ZC2HC1A: variants seen among roughly 807,000 people sequenced by gnomAD.
ZC2HC1A encodes the protein zinc finger C2HC domain-containing protein 1A.
Under a neutral mutation model 40.7 loss-of-function variants are expected in ZC2HC1A, and 28 were observed. The ratio of observed to expected loss-of-function variants is 0.69; its 90% confidence interval spans 0.51 to 0.94. The LOEUF is 0.94. ZC2HC1A is among the 40% of genes least tolerant of loss of function. ZC2HC1A has a pLI of 0.00. For synonymous variants in ZC2HC1A, 129 were observed against 129.2 expected, an observed-to-expected ratio of 1.00 and a Z score of 0.01; for missense variants, 389 against 386.3, an observed-to-expected ratio of 1.01 and a Z score of -0.06.
At chr8:78,687,545 AAATT>A (rs1810034854) in intron 4 of ZC2HC1A, among the ~76,000 whole-genome samples, 1 of 143,758 alleles carries the variant, frequency 7.0e-6, no homozygotes, top group African/African-American at 2.5e-5. Flanking sequence ...TTTATATAAT[AAATT>A]TTATATTTAC....
rs575794800 is a variant in ZC2HC1A, at chr8:78,713,210, A to G, written c.705-2011A>G. On this transcript the variant is annotated intron_variant, in intron 7 of 8. Coordinates refer to ENST00000263849, the MANE Select transcript of ZC2HC1A (RefSeq NM_016010.3). Reference sequence around the variant, plus strand: ...TAATGCTTTGCAGATTCTGAACAGAAAGAAAAATTTGTGGACTGTGTAAGA... The same window carrying G: ...TAATGCTTTGCAGATTCTGAACAGAGAGAAAAATTTGTGGACTGTGTAAGA... Among the ~76,000 whole-genome samples the G allele has an allele frequency of 5.9e-5, 9 of 152,306 alleles. No individual in the cohort carries two copies. In the South Asian group the frequency reaches 1.9e-3, roughly 32 times the overall value.
intron 3 of ZC2HC1A, among the ~76,000 whole-genome samples, chr8:78,679,969 A>C (rs1250887406): frequency 1.3e-5 from 2 of 152,156 alleles, no homozygotes; most frequent in African/African-American, 4.8e-5. Flanking sequence ...GAAGCAGTGT[A>C]ATATAGTGGG....
intron 5 of ZC2HC1A, among the ~76,000 whole-genome samples, chr8:78,696,178 G>A (rs1324969379): frequency 6.6e-6 from 1 of 151,954 alleles, no homozygotes; most frequent in African/African-American, 2.4e-5. Context: ...GGGACTACAG[G>A]CGCCCGCTAC....
intron 1 of ZC2HC1A, 66 bp downstream of exon 1, chr8:78,666,230 C>T: frequency 1.3e-6 from 2 of 1,551,944 alleles, no homozygotes; most frequent in East Asian, 2.4e-5. Context: ...GGACCCTGGA[C>T]ACCAGTAGCA....
chr8:78,696,687 G>A (rs1031176013), intron 5 of ZC2HC1A, among the ~76,000 whole-genome samples: 1 of 152,102 alleles, frequency 6.6e-6, no homozygotes, highest in Non-Finnish European at 1.5e-5. Flanking sequence ...AATTTAAGAT[G>A]GTCTGGTGAG....
chr8:78,688,545 A>G (rs974566653), intron 4 of ZC2HC1A, among the ~76,000 whole-genome samples: 1 of 152,182 alleles, frequency 6.6e-6, no homozygotes, highest in African/African-American at 2.4e-5. Context: ...ATTTATTCCC[A>G]GTGTCTCATT....
intron 5 of ZC2HC1A, among the ~76,000 whole-genome samples, chr8:78,694,307 A>G (rs1336120194): frequency 1.4e-5 from 2 of 147,074 alleles, no homozygotes; most frequent in South Asian, 2.1e-4. Context: ...TTTCTCATTC[A>G]GTTTCCTTAT....
chr8:78,683,170 TTCTGGGG>T (rs77278444), intron 3 of ZC2HC1A, among the ~76,000 whole-genome samples: 7,761 of 152,264 alleles, frequency 0.051, 269 homozygotes, highest in Middle Eastern at 0.075. Flanking sequence ...GGATCTACCA[TTCTGGGG>T]TCTGGAGGAT....
intron 7 of ZC2HC1A, among the ~76,000 whole-genome samples, chr8:78,714,645 T>C (rs1051781908): frequency 4.6e-5 from 7 of 152,170 alleles, no homozygotes; most frequent in African/African-American, 1.4e-4. Context: ...TGGAGACTCA[T>C]GGATGATCCA....
intron 5 of ZC2HC1A, among the ~76,000 whole-genome samples, chr8:78,694,512 C>A (rs1810333221): frequency 6.6e-6 from 1 of 152,076 alleles, no homozygotes; most frequent in African/African-American, 2.4e-5. Context: ...CCTAATAATG[C>A]AAATTTATAC....
At position 78,678,422 on chromosome 8, in the gene ZC2HC1A, G is replaced by C. The variant is rs868461608; in HGVS notation, c.94-141G>C. ...ACTTAACATTTGGTTAAGGCAAGGT[G>C]TATCTTATTTATTTATTATTTTGTA... On this transcript the variant is annotated intron_variant, in intron 2 of 8. Coordinates refer to ENST00000263849, the MANE Select transcript of ZC2HC1A (RefSeq NM_016010.3). 4 of 649,768 alleles carry C rather than the reference G, an allele frequency of 6.2e-6. No homozygotes were observed. In the African/African-American group the frequency reaches 7.4e-5, roughly 12 times the overall value. 40.3% of individuals were successfully genotyped at this position (649,768 alleles called of 1,614,324 possible).
intron 1 of ZC2HC1A, among the ~76,000 whole-genome samples, chr8:78,667,462 A>G (rs1268063273): frequency 1.3e-5 from 2 of 152,142 alleles, no homozygotes; most frequent in Non-Finnish European, 2.9e-5. Context: ...AATTCTCATG[A>G]GATTATCATA....
At position 78,717,353 on chromosome 8, in the gene ZC2HC1A, C is replaced by G. The variant is rs751109108; in HGVS notation, c.838C>G (p.Leu280Val). ...GCCAGATGGGGACTGTGCATCTTCC[C>G]TTAATGGTGGAAATATTAAAGGCAT... ...ARPDGDCASS[L>V]NGGNIKGIEG... Residue 280 changes from leucine to valine, a missense_variant, in exon 9 of 9, where the codon CTT becomes GTT. By Grantham distance (32) the Leu-to-Val change is conservative. Transcript: ENST00000263849. The G allele has an allele frequency of 8.7e-6, 14 of 1,609,746 alleles. No individual in the cohort carries two copies. Among genetic ancestry groups the G allele is most frequent in the Non-Finnish European group, 1.1e-5 (13 of 1,178,820 alleles).
At chr8:78,686,353 G>T in intron 3 of ZC2HC1A, 114 bp from the exon 4 acceptor site, 4 of 878,010 alleles carry the variant, frequency 4.6e-6, no homozygotes, top group Non-Finnish European at 6.1e-6. Context: ...ATCATTTAAG[G>T]ACTCCTGATA....
At chr8:78,686,437 T>C in intron 3 of ZC2HC1A, 30 bp from the exon 4 acceptor site, 1 of 1,168,620 alleles carries the variant, frequency 8.6e-7, no homozygotes. Context: ...GTTTGTTTAT[T>C]TATTTATTTA....
chr8:78,685,012 G>T (rs1413135679), intron 3 of ZC2HC1A, among the ~76,000 whole-genome samples: 12 of 151,998 alleles, frequency 7.9e-5, no homozygotes, highest in African/African-American at 2.4e-5. Context: ...TTATATACAT[G>T]AACTAGGAAA....
intron 7 of ZC2HC1A, among the ~76,000 whole-genome samples, chr8:78,708,396 G>C (rs1810846422): frequency 6.6e-6 from 1 of 151,978 alleles, no homozygotes; most frequent in Non-Finnish European, 1.5e-5. Flanking sequence ...TTGTGGATTA[G>C]GCCAGGTGCA....
chr8:78,678,948 G>A (rs1432841579), intron 3 of ZC2HC1A: 1 of 214,792 alleles, frequency 4.7e-6, no homozygotes, highest in African/African-American at 2.3e-5. Flanking sequence ...GATTTTTATA[G>A]CATTGGAGAG....
chr8:78,713,584 A>C (rs1373374092), intron 7 of ZC2HC1A, among the ~76,000 whole-genome samples: 2 of 152,212 alleles, frequency 1.3e-5, no homozygotes, highest in East Asian at 1.9e-4. Context: ...GCTATACACA[A>C]GAGTAGAGTA....
Sources: gnomAD v4.1 joint callset for allele counts (sites outside exome capture counted in the v4.1 genomes callset) on GRCh38, gnomAD v4.1.1 for gene constraint, MANE v1.5 for transcripts, NCBI Gene and HGNC (gene_info 2026-07-23, HGNC 2026-07-21) for gene names.